Variants in RNF144A observed in about 807,000 individuals in gnomAD.
The protein encoded by RNF144A is E3 ubiquitin-protein ligase RNF144A.
In RNF144A, 11 loss-of-function variants were observed where a neutral mutation model predicts 38.7. That is an observed-to-expected ratio of 0.28 (90% CI 0.18 to 0.47). The LOEUF (loss-of-function observed/expected upper bound fraction) is 0.47, where lower values mean the gene tolerates loss of function less well. Among genes scored for constraint, RNF144A ranks in the 20% least tolerant of loss-of-function variants. RNF144A has a pLI of 0.99. For synonymous variants in RNF144A, 149 were observed against 143.9 expected, an observed-to-expected ratio of 1.04 and a Z score of -0.25; for missense variants, 316 against 377.2, an observed-to-expected ratio of 0.84 and a Z score of 1.34.
Position 6,996,953 on chromosome 2 carries a change from C to T in RNF144A, c.27C>T (p.Thr9=). 4 of 1,613,982 alleles carry T rather than the reference C, an allele frequency of 2.5e-6. No homozygotes were observed. Among genetic ancestry groups the T allele is most frequent in the Non-Finnish European group, 3.4e-6 (4 of 1,179,912 alleles). MTTTRYRP[T]WDLALDPLVS... ...TGACCACAACAAGGTACCGGCCCAC[C>T]TGGGACCTGGCCCTCGACCCGCTGG... Residue 9 remains threonine (T), a synonymous_variant, in exon 3 of 9, where the codon ACC becomes ACT. Transcript: ENST00000320892.
rs558896860 is a variant in RNF144A, at chr2:6,990,440, CTA to C, written c.-11-6463_-11-6462del. On this transcript the variant is annotated intron_variant, in intron 2 of 8. Transcript: ENST00000320892. ...CACACACACACACACACACACAGAG[CTA>C]TATATATATATAATATATAATATAA... Among the ~76,000 whole-genome samples, 239 of 64,738 alleles carry C rather than the reference CTA, an allele frequency of 3.7e-3. 1 individual carries two copies. Among genetic ancestry groups the C allele is most frequent in the Non-Finnish European group, 5.8e-3 (166 of 28,626 alleles). The allele number at this position is 64,738 out of a possible 152,430, so 42.5% of individuals were successfully genotyped here.
intron 1 of RNF144A, among the ~76,000 whole-genome samples, chr2:6,935,097 C>G (rs1665483434): frequency 6.6e-6 from 1 of 152,208 alleles, no homozygotes; most frequent in African/African-American, 2.4e-5. Flanking sequence ...TTTACCATCC[C>G]TCTTCCTTCT....
At chr2:7,032,712 G>A (rs377468554) in intron 8 of RNF144A, among the ~76,000 whole-genome samples, 2 of 152,312 alleles carry the variant, frequency 1.3e-5, no homozygotes. Flanking sequence ...GTATGGGATC[G>A]AGGCCCACGC....
Position 7,020,562 on chromosome 2 carries a change from C to T in RNF144A, c.391C>T (p.Gln131Ter). The T allele has an allele frequency of 6.2e-7, 1 of 1,613,388 alleles. No homozygotes were observed. The highest frequency in any genetic ancestry group is 8.5e-7 in the Non-Finnish European group (1 of 1,180,022). ...CCAGGACGTGGGGCTGCAGACCCCC[C>T]AGCCAGTGCAGTGCAAAGCCTGCCG... ...QLQDVGLQTP[Q>*]PVQCKACRME... Residue 131 changes from glutamine to a stop codon, truncating the protein, a stop_gained, in exon 6 of 9, where the codon CAG becomes TAG. Coordinates refer to ENST00000320892, the MANE Select transcript of RNF144A (RefSeq NM_014746.6). LOFTEE classifies it high-confidence loss of function.
chr2:6,975,900 A>T (rs1166896243), intron 2 of RNF144A, among the ~76,000 whole-genome samples: 2 of 152,220 alleles, frequency 1.3e-5, no homozygotes, highest in Non-Finnish European at 2.9e-5. Flanking sequence ...TTATCGTAGG[A>T]TATATGCTGT....
In RNF144A at chr2:6,924,648, C is replaced by T. The variant is rs532693515; in HGVS notation, c.-212+7026C>T. On this transcript the variant is annotated intron_variant, in intron 1 of 8. Transcript: ENST00000320892. ...GGGGCCTCCATCTCCCTTCCGAGTG[C>T]GGGCCTCTCATGAAACACTAGGATG... 1.8e-4 allele frequency among the ~76,000 whole-genome samples: 28 copies of T among 152,362 alleles called. 1 individual carries two copies. In the South Asian group the frequency reaches 3.5e-3, roughly 19 times the overall value.
chr2:6,961,140 G>C (rs1244976824), intron 2 of RNF144A, among the ~76,000 whole-genome samples: 5 of 151,938 alleles, frequency 3.3e-5, no homozygotes, highest in Admixed American at 6.6e-5. Context: ...TTAGCAATTA[G>C]AAAAGGAATA....
At chr2:7,047,962 C>T (rs996139968), downstream of RNF144A, among the ~76,000 whole-genome samples, 2 of 152,168 alleles carry the variant, frequency 1.3e-5, no homozygotes, top group Admixed American at 6.5e-5. Flanking sequence ...CCACACATGG[C>T]TTCCCTGGGC....
At chr2:7,063,752 C>T (rs1202534194) in intron 6 of RNF144A, among the ~76,000 whole-genome samples, 2 of 152,244 alleles carry the variant, frequency 1.3e-5, no homozygotes, top group Admixed American at 6.5e-5. Flanking sequence ...AATGTTCTAA[C>T]GTCTAATGCT....
At chr2:7,076,007 A>G in the RNF144A span, among the ~76,000 whole-genome samples, 6 of 152,208 alleles carry the variant, frequency 3.9e-5, no homozygotes, top group Non-Finnish European at 7.3e-5. Flanking sequence ...GAATAACTAT[A>G]ATTATTGCAT....
At chr2:6,966,385 A>G (rs1406606526) in intron 2 of RNF144A, among the ~76,000 whole-genome samples, 1 of 152,194 alleles carries the variant, frequency 6.6e-6, no homozygotes, top group African/African-American at 2.4e-5. Context: ...TATTCTCCAA[A>G]TGTTGGATGT....
At chr2:7,019,381 G>A (rs1227573022) in intron 5 of RNF144A, among the ~76,000 whole-genome samples, 2 of 152,256 alleles carry the variant, frequency 1.3e-5, no homozygotes, top group Non-Finnish European at 1.5e-5. Context: ...GTGGATTCCA[G>A]TGAGTAGGAA....
At chr2:7,037,126 GCA>G (rs138527330) in intron 8 of RNF144A, among the ~76,000 whole-genome samples, 1 of 152,028 alleles carries the variant, frequency 6.6e-6, no homozygotes, top group Non-Finnish European at 1.5e-5. Context: ...CACATCCACA[GCA>G]CACACACACA....
intron 2 of RNF144A, among the ~76,000 whole-genome samples, chr2:6,961,605 G>T (rs1667344898): frequency 6.6e-6 from 1 of 152,214 alleles, no homozygotes; most frequent in African/African-American, 2.4e-5. Context: ...AGAACACTAA[G>T]AGAGGAAAGC....
At chr2:6,996,526 G>C (rs1054051974) in intron 2 of RNF144A, among the ~76,000 whole-genome samples, 1 of 152,102 alleles carries the variant, frequency 6.6e-6, no homozygotes, top group Non-Finnish European at 1.5e-5. Context: ...AGGTCGAGGT[G>C]GGGGGATCAT....
chr2:7,025,358 T>G (rs1671815815), intron 7 of RNF144A, among the ~76,000 whole-genome samples: 4 of 152,306 alleles, frequency 2.6e-5, no homozygotes, highest in Admixed American at 2.6e-4. Context: ...TTAGAATAAT[T>G]TATTGATGCA....
chr2:7,036,906 T>C (rs546335241), intron 8 of RNF144A, among the ~76,000 whole-genome samples: 1 of 152,228 alleles, frequency 6.6e-6, no homozygotes, highest in Admixed American at 6.5e-5. Context: ...TTATGAGAGG[T>C]GCCGGGCTGT....
intron 3 of RNF144A, among the ~76,000 whole-genome samples, chr2:6,998,334 C>T (rs1322641608): frequency 6.6e-6 from 1 of 152,190 alleles, no homozygotes; most frequent in South Asian, 2.1e-4. Context: ...AGCTTTCAGA[C>T]TGTATTTCAT....
At position 6,996,920 on chromosome 2, in the gene RNF144A, T is replaced by C. The variant is rs374780266; in HGVS notation, c.-7T>C. The C allele has an allele frequency of 4.3e-6, 7 of 1,613,324 alleles. No individual in the cohort carries two copies. The highest frequency in any genetic ancestry group is 1.3e-5 in the African/African-American group (1 of 74,906). ...TCCGTGCTTCTCTCGTTTCAGACTG[T>C]TCTGCGATGACCACAACAAGGTACC... is the stretch of plus-strand genomic sequence containing the variant. On this transcript the variant is annotated 5_prime_UTR_variant, in exon 3 of 9. Coordinates refer to ENST00000320892, the MANE Select transcript of RNF144A (RefSeq NM_014746.6).
Sources: gnomAD v4.1 joint callset for allele counts (sites outside exome capture counted in the v4.1 genomes callset) on GRCh38, gnomAD v4.1.1 for gene constraint, MANE v1.5 for transcripts, NCBI Gene and HGNC (gene_info 2026-07-23, HGNC 2026-07-21) for gene names.